DLGAP2: variants seen among roughly 807,000 people sequenced by gnomAD.
DLGAP2 encodes DLG associated protein 2.
A neutral mutation model predicts 100.3 loss-of-function variants in DLGAP2; 26 were observed. The observed-to-expected ratio is 0.26, with a 90% CI of 0.19 to 0.36. The LOEUF (loss-of-function observed/expected upper bound fraction) is 0.36. Ranked by LOEUF, DLGAP2 falls within the 10% of genes least tolerant of loss-of-function variation. The pLI is 1.00. For synonymous variants in DLGAP2, 886 were observed against 630.1 expected (o/e 1.41, Z -6.08); for missense variants, 1,858 against 1,453.2 (o/e 1.28, Z -4.53).
intron 1 of DLGAP2, among the ~76,000 whole-genome samples, chr8:791,939 C>G (rs1318131785): frequency 3.3e-5 from 5 of 152,188 alleles, no homozygotes; most frequent in Non-Finnish European, 7.3e-5. Context: ...CATGTGTTTC[C>G]TAAGAATGGG....
chr8:1,387,221 G>C (rs570329979), intron 3 of DLGAP2, among the ~76,000 whole-genome samples: 1 of 152,214 alleles, frequency 6.6e-6, no homozygotes, highest in Non-Finnish European at 1.5e-5. Context: ...TCATGCAGAG[G>C]GTGGAGAGAC....
intron 2 of DLGAP2, 51 bp from the exon 3 acceptor site, chr8:1,258,800 C>T (rs1585200960): frequency 1.6e-6 from 2 of 1,227,628 alleles, no homozygotes; most frequent in Middle Eastern, 3.1e-4. Context: ...TTTTTAACTG[C>T]ATGGTTGAGA....
chr8:1,624,764 C>T (rs533964591), intron 6 of DLGAP2, among the ~76,000 whole-genome samples: 45 of 151,908 alleles, frequency 3.0e-4, no homozygotes, highest in African/African-American at 9.2e-4. Flanking sequence ...CAGCGGGAGT[C>T]GGCGGGCATC....
intron 3 of DLGAP2, among the ~76,000 whole-genome samples, chr8:1,438,515 G>A (rs1174629526): frequency 6.6e-6 from 1 of 152,156 alleles, no homozygotes; most frequent in Non-Finnish European, 1.5e-5. Flanking sequence ...TGTAAGTGGT[G>A]ACTCACCACT....
intron 2 of DLGAP2, among the ~76,000 whole-genome samples, chr8:1,242,447 C>T (rs1400430364): frequency 6.6e-6 from 1 of 152,238 alleles, no homozygotes; most frequent in East Asian, 1.9e-4. Context: ...CTTTCCTGGC[C>T]ACGGACCTTG....
At chr8:1,370,922 C>A (rs949452019) in intron 3 of DLGAP2, among the ~76,000 whole-genome samples, 1 of 152,320 alleles carries the variant, frequency 6.6e-6, no homozygotes, top group East Asian at 1.9e-4. Flanking sequence ...GGGCTTTACA[C>A]CATGGATAGA....
intron 3 of DLGAP2, among the ~76,000 whole-genome samples, chr8:1,347,730 A>G (rs192867163): frequency 1.3e-4 from 20 of 151,264 alleles, no homozygotes; most frequent in Admixed American, 5.2e-4. Context: ...CACTCATGGT[A>G]GCTGTGTGAA....
chr8:1,524,718 G>A lies in DLGAP2; in HGVS notation c.172+23287G>A, dbSNP rs149696791. 2.4e-4 allele frequency among the ~76,000 whole-genome samples: 37 copies of A among 152,142 alleles called. No individual in the cohort carries two copies. The East Asian group carries it at 3.5e-3, about 14-fold the overall frequency. On this transcript the variant is annotated intron_variant, in intron 4 of 14. Coordinates refer to ENST00000637795, the MANE Select transcript of DLGAP2 (RefSeq NM_001346810.2). Reference sequence around the variant, plus strand: ...TTGCCTTTCCAAGGGTACAAGTGACGTCACACAGTGAGAGGGACACAGTCA... The same window carrying A: ...TTGCCTTTCCAAGGGTACAAGTGACATCACACAGTGAGAGGGACACAGTCA...
chr8:751,557 T>C (rs368161259), intron 1 of DLGAP2, among the ~76,000 whole-genome samples: 3 of 152,244 alleles, frequency 2.0e-5, no homozygotes, highest in African/African-American at 7.2e-5. Flanking sequence ...CTGGTCCTTA[T>C]AGTAAGTTCA....
chr8:1,474,833 A>G (rs1010861485), intron 3 of DLGAP2, among the ~76,000 whole-genome samples: 1 of 152,244 alleles, frequency 6.6e-6, no homozygotes, highest in African/African-American at 2.4e-5. Context: ...AGATTTCTCA[A>G]AGAACTGAGA....
In DLGAP2 at chr8:1,243,658, C is replaced by G. The variant is rs544104537; in HGVS notation, c.74-15193C>G. ...AGGATTCATGGCACGGTTCCCATGT[C>G]CCATACTCGGTGGGGCTGGAGCCTG... is the stretch of plus-strand genomic sequence containing the variant. On this transcript the variant is annotated intron_variant, in intron 2 of 14. Coordinates refer to ENST00000637795, the MANE Select transcript of DLGAP2 (RefSeq NM_001346810.2). Among the ~76,000 whole-genome samples, 177 of 152,248 alleles carry G rather than the reference C, an allele frequency of 1.2e-3. 1 individual carries two copies. Among genetic ancestry groups the G allele is most frequent in the African/African-American group, 4.1e-3 (170 of 41,542 alleles).
At chr8:1,144,475 C>A (rs1796572536) in intron 2 of DLGAP2, among the ~76,000 whole-genome samples, 1 of 152,214 alleles carries the variant, frequency 6.6e-6, no homozygotes, top group Non-Finnish European at 1.5e-5. Flanking sequence ...AATGCTCCTC[C>A]CCAGTCTGCG....
intron 2 of DLGAP2, among the ~76,000 whole-genome samples, chr8:949,599 C>T (rs1799424265): frequency 6.6e-6 from 1 of 152,194 alleles, no homozygotes; most frequent in South Asian, 2.1e-4. Flanking sequence ...CTCCCCAGGA[C>T]GGGCCTCCCC....
chr8:1,620,000 G>A (rs944642518), intron 6 of DLGAP2: 2 of 152,084 alleles, frequency 1.3e-5, no homozygotes, highest in Non-Finnish European at 2.9e-5. Flanking sequence ...CTTTCCCATG[G>A]TGTCTTATTT....
Position 804,959 on chromosome 8 carries a change from C to T in DLGAP2, c.18+67134C>T, listed in dbSNP as rs1171422217. On this transcript the variant is annotated intron_variant, in intron 1 of 14. Transcript: ENST00000637795. ...TTTTTTGTTTGTTTTTTTGTAGAGACGAGGTCTCCCTATGTTGTCCAGGCT... is the reference window on the plus strand; with the variant it reads ...TTTTTTGTTTGTTTTTTTGTAGAGATGAGGTCTCCCTATGTTGTCCAGGCT... Among the ~76,000 whole-genome samples the T allele has an allele frequency of 5.3e-5, 8 of 151,966 alleles. No individual in the cohort carries two copies. In the East Asian group the frequency reaches 7.8e-4, roughly 15 times the overall value.
chr8:1,434,392 C>T (rs1185274531), intron 3 of DLGAP2, among the ~76,000 whole-genome samples: 1 of 152,188 alleles, frequency 6.6e-6, no homozygotes, highest in Non-Finnish European at 1.5e-5. Context: ...CCTGGCCCAT[C>T]TCCTGTGTAA....
chr8:1,190,184 T>C (rs1176521660), intron 2 of DLGAP2, among the ~76,000 whole-genome samples: 4 of 152,188 alleles, frequency 2.6e-5, no homozygotes, highest in African/African-American at 9.7e-5. Flanking sequence ...GATTCCATGT[T>C]GCCCTAATGC....
rs1048825401 is a variant in DLGAP2, at chr8:1,276,197, C to T, written c.106+17314C>T. ...TGCTCAAGGAGTTGCTCTCTCTCAA[C>T]TCCAATCAACACTCCCCCCCCGACC... is the stretch of plus-strand genomic sequence containing the variant. On this transcript the variant is annotated intron_variant, in intron 3 of 14. Coordinates refer to ENST00000637795, the MANE Select transcript of DLGAP2 (RefSeq NM_001346810.2). Among the ~76,000 whole-genome samples, 3 of 150,184 alleles carry T rather than the reference C, an allele frequency of 2.0e-5. No individual in the cohort carries two copies. The Admixed American group carries it at 2.0e-4, about 10-fold the overall frequency.
At chr8:1,626,636 G>T in intron 6 of DLGAP2, 104 bp from the exon 7 acceptor site, 1 of 1,439,718 alleles carries the variant, frequency 6.9e-7, no homozygotes. Context: ...CCTCTGCCCT[G>T]TGGTGGGTGC....
Sources: gnomAD v4.1 joint callset for allele counts (sites outside exome capture counted in the v4.1 genomes callset) on GRCh38, gnomAD v4.1.1 for gene constraint, MANE v1.5 for transcripts, NCBI Gene and HGNC (gene_info 2026-07-23, HGNC 2026-07-21) for gene names.